CACNA1E: variants seen among roughly 807,000 people sequenced by gnomAD.
The protein encoded by CACNA1E is calcium voltage-gated channel subunit alpha1 E.
In CACNA1E, 40 loss-of-function variants were observed where a neutral mutation model predicts 259.2. The observed-to-expected ratio is 0.15, with a 90% CI of 0.12 to 0.20. The LOEUF (loss-of-function observed/expected upper bound fraction) is 0.20. CACNA1E is among the 10% of genes least tolerant of loss of function. The pLI is 1.00. For missense variants in CACNA1E, 1,874 were observed against 3,040.1 expected (o/e 0.62, Z 9.02); for synonymous variants, 1,104 against 1,138.5 (o/e 0.97, Z 0.61).
chr1:181,633,105 A>T (rs1382432648), intron 6 of CACNA1E, among the ~76,000 whole-genome samples: 2 of 152,144 alleles, frequency 1.3e-5, no homozygotes, highest in Non-Finnish European at 2.9e-5. Flanking sequence ...ACACCTGAGG[A>T]TGCAAAAAAG....
At chr1:181,648,115 G>A (rs1217650633) in intron 6 of CACNA1E, among the ~76,000 whole-genome samples, 3 of 152,090 alleles carry the variant, frequency 2.0e-5, no homozygotes, top group South Asian at 2.1e-4. Context: ...TAATGTTTGC[G>A]GCAATTCAGA....
intron 6 of CACNA1E, among the ~76,000 whole-genome samples, chr1:181,587,346 T>A (rs1020362718): frequency 2.0e-5 from 3 of 152,140 alleles, no homozygotes; most frequent in Admixed American, 2.0e-4. Flanking sequence ...TGTGATGAAG[T>A]TCAAGTGAGA....
chr1:181,734,392 T>G (rs903849269), intron 21 of CACNA1E, among the ~76,000 whole-genome samples: 2 of 151,552 alleles, frequency 1.3e-5, no homozygotes, highest in Non-Finnish European at 2.9e-5. Context: ...AAAAAGCACT[T>G]CCCCACCCCT....
At chr1:181,376,795 G>A (rs968350978) in intron 1 of CACNA1E, among the ~76,000 whole-genome samples, 3 of 152,152 alleles carry the variant, frequency 2.0e-5, no homozygotes, top group Non-Finnish European at 2.9e-5. Flanking sequence ...TGTCACATTC[G>A]ACTCAGTGAA....
chr1:181,617,275 G>A (rs1221453453), intron 6 of CACNA1E, among the ~76,000 whole-genome samples: 1 of 149,294 alleles, frequency 6.7e-6, no homozygotes, highest in African/African-American at 2.5e-5. Flanking sequence ...TATTTCTTAT[G>A]AGCAGCATTT....
chr1:181,650,670 T>C (rs1658674324), intron 6 of CACNA1E, among the ~76,000 whole-genome samples: 1 of 152,194 alleles, frequency 6.6e-6, no homozygotes. Context: ...TGCATCTGAT[T>C]CATGATTCGA....
At position 181,727,940 on chromosome 1, in the gene CACNA1E, T is replaced by A. The variant is rs539791455; in HGVS notation, c.2240+1778T>A. Among the ~76,000 whole-genome samples, 3 of 152,270 alleles carry A rather than the reference T, an allele frequency of 2.0e-5. No individual in the cohort carries two copies. In the East Asian group the frequency reaches 5.8e-4, roughly 29 times the overall value. ...GTGTTGAAGCGGGGGACCTCCCTCC[T>A]GCACGGCCATCATGTTGCCTTTGCC... On this transcript the variant is annotated intron_variant, in intron 18 of 47. Transcript: ENST00000367573.
At chr1:181,717,005 A>C (rs1653958125) in intron 10 of CACNA1E, 88 bp from the exon 11 acceptor site, 4 of 1,055,610 alleles carry the variant, frequency 3.8e-6, no homozygotes, top group Non-Finnish European at 5.8e-6. Context: ...CCCTGGGACT[A>C]GAGCAGCCCA....
At chr1:181,445,161 G>A (rs1388596808) in intron 2 of CACNA1E, among the ~76,000 whole-genome samples, 2 of 152,090 alleles carry the variant, frequency 1.3e-5, no homozygotes, top group Non-Finnish European at 2.9e-5. Flanking sequence ...TTTCTTAAGG[G>A]CAGGAATCCC....
intron 1 of CACNA1E, among the ~76,000 whole-genome samples, chr1:181,411,956 CAT>C (rs750689239): frequency 1.4e-4 from 22 of 152,374 alleles, no homozygotes; most frequent in Admixed American, 3.3e-4. Context: ...CTACGCCAAT[CAT>C]AGCACATTCT....
chr1:181,514,558 C>A (rs944875634), intron 3 of CACNA1E, among the ~76,000 whole-genome samples: 1 of 152,196 alleles, frequency 6.6e-6, no homozygotes, highest in East Asian at 1.9e-4. Flanking sequence ...GACACCTGCA[C>A]CCACAGCAGT....
At chr1:181,548,129 C>CTTTTTTTTCT (rs537628921) in intron 3 of CACNA1E, among the ~76,000 whole-genome samples, 67,980 of 132,996 alleles carry the variant, frequency 0.51, 17,982 homozygotes, top group South Asian at 0.58. Flanking sequence ...CTTTTTTTTT[C>CTTTTTTTTCT]TTTTTTTTTT....
chr1:181,395,138 T>G (rs1234513034), intron 1 of CACNA1E, among the ~76,000 whole-genome samples: 2 of 152,106 alleles, frequency 1.3e-5, no homozygotes, highest in East Asian at 3.8e-4. Flanking sequence ...AGATGAGAGA[T>G]GATGGTGGCT....
At chr1:181,330,107 T>C (rs747770403) in intron 1 of CACNA1E, among the ~76,000 whole-genome samples, 2 of 152,154 alleles carry the variant, frequency 1.3e-5, no homozygotes, top group Non-Finnish European at 2.9e-5. Flanking sequence ...AGCCTCATGC[T>C]CTCTGTGCCC....
intron 6 of CACNA1E, among the ~76,000 whole-genome samples, chr1:181,594,318 T>C (rs1198416613): frequency 2.0e-5 from 3 of 152,214 alleles, no homozygotes; most frequent in African/African-American, 4.8e-5. Flanking sequence ...TAACCTGTCA[T>C]TGAAGAATGA....
chr1:181,709,228 A>G (rs1465186429), intron 7 of CACNA1E, among the ~76,000 whole-genome samples: 1 of 152,232 alleles, frequency 6.6e-6, no homozygotes, highest in Non-Finnish European at 1.5e-5. Flanking sequence ...GAAAGTAGAA[A>G]GGAGGCATCC....
At chr1:181,629,305 A>G (rs528868786) in intron 6 of CACNA1E, among the ~76,000 whole-genome samples, 1 of 152,266 alleles carries the variant, frequency 6.6e-6, no homozygotes, top group Middle Eastern at 3.4e-3. Context: ...TGTGGGGAAA[A>G]GTTGTTTGCA....
intron 1 of CACNA1E, among the ~76,000 whole-genome samples, chr1:181,350,677 C>T (rs1652978184): frequency 6.6e-6 from 1 of 152,194 alleles, no homozygotes; most frequent in South Asian, 2.1e-4. Flanking sequence ...GGCATTTCCA[C>T]CCAGACTGGG....
At chr1:181,784,519 G>A in intron 40 of CACNA1E, 142 bp from the exon 41 acceptor site, 1 of 586,218 alleles carries the variant, frequency 1.7e-6, no homozygotes, top group Non-Finnish European at 3.0e-6. Context: ...ACCTGGTATT[G>A]CAAGATCCAC....
Sources: allele counts gnomAD v4.1 joint callset (sites outside exome capture counted in the v4.1 genomes callset), GRCh38; gene constraint gnomAD v4.1.1; transcripts MANE v1.5; gene names NCBI Gene and HGNC (gene_info 2026-07-23, HGNC 2026-07-21).